The following RNF152 variants were observed in gnomAD, a reference collection of about 807,000 sequenced individuals.
RNF152 encodes the protein E3 ubiquitin-protein ligase RNF152.
A neutral mutation model predicts 12.7 loss-of-function variants in RNF152; 11 were observed. That is an observed-to-expected ratio of 0.86 (90% confidence interval 0.54 to 1.43). The LOEUF (loss-of-function observed/expected upper bound fraction) is 1.43. RNF152 is among the 40% of genes most tolerant of loss of function. The probability of loss-of-function intolerance (pLI) is 0.00; values close to 1 mark genes in which losing one functional copy is unlikely to be tolerated. For missense variants in RNF152, 255 were observed against 274.8 expected, an observed-to-expected ratio of 0.93 and a Z score of 0.51; for synonymous variants, 113 against 120.3, an observed-to-expected ratio of 0.94 and a Z score of 0.40.
At chr18:61,863,385 C>T (rs908344105) in intron 1 of RNF152, among the ~76,000 whole-genome samples, 8 of 145,530 alleles carry the variant, frequency 5.5e-5, no homozygotes, top group Non-Finnish European at 1.0e-4. Context: ...CAGTGAGCGG[C>T]GATCGTGCCA....
chr18:61,851,905 A>C (rs1180715424), intron 1 of RNF152, among the ~76,000 whole-genome samples: 1 of 152,208 alleles, frequency 6.6e-6, no homozygotes, highest in African/African-American at 2.4e-5. Context: ...TCAACCTAGA[A>C]GTCTCATTGA....
intron 1 of RNF152, among the ~76,000 whole-genome samples, chr18:61,859,470 C>G (rs1350346176): frequency 1.3e-5 from 2 of 152,186 alleles, no homozygotes; most frequent in Non-Finnish European, 2.9e-5. Context: ...CCATGCAGAG[C>G]AGGAGATGCT....
At chr18:61,868,174 T>A (rs377737178) in intron 1 of RNF152, among the ~76,000 whole-genome samples, 1 of 152,174 alleles carries the variant, frequency 6.6e-6, no homozygotes, top group Non-Finnish European at 1.5e-5. Context: ...ACTGTAGAGG[T>A]TGGCCTTCGG....
At chr18:61,855,685 G>A (rs1005877512) in intron 1 of RNF152, among the ~76,000 whole-genome samples, 5 of 152,172 alleles carry the variant, frequency 3.3e-5, no homozygotes, top group South Asian at 4.1e-4. Context: ...CCCCACACTC[G>A]CTCACCACAC....
intron 1 of RNF152, among the ~76,000 whole-genome samples, chr18:61,834,430 T>C (rs868524518): frequency 5.3e-5 from 8 of 152,346 alleles, no homozygotes; most frequent in Middle Eastern, 3.4e-3. Context: ...TTTTGTGTCC[T>C]TTTAGTCTCC....
rs1385878949 is a variant in RNF152 at position 61,881,624 on chromosome 18, A to G, written c.-136+11171T>C. On this transcript the variant is annotated intron_variant, in intron 1 of 1. Coordinates refer to ENST00000312828, the MANE Select transcript of RNF152 (RefSeq NM_173557.3). ...GAAGCAACTAGAACTAGGCTGACTC[A>G]GGTTTAGAATCCAAAATTGATTATC... Among the ~76,000 whole-genome samples, 3 of 152,360 alleles carry G rather than the reference A, an allele frequency of 2.0e-5. No individual in the cohort carries two copies. The East Asian group carries it at 5.8e-4, about 29-fold the overall frequency.
chr18:61,883,019 A>G (rs1034158064), intron 1 of RNF152, among the ~76,000 whole-genome samples: 6 of 152,224 alleles, frequency 3.9e-5, no homozygotes, highest in African/African-American at 1.2e-4. Flanking sequence ...CAGCTCATAC[A>G]TAAACACACT....
chr18:61,839,385 A>G (rs73458427), intron 1 of RNF152, among the ~76,000 whole-genome samples: 6,625 of 152,300 alleles, frequency 0.043, 482 homozygotes, highest in African/African-American at 0.15. Context: ...TCCAGAAGTT[A>G]TTAATATTTC....
intron 1 of RNF152, among the ~76,000 whole-genome samples, chr18:61,885,310 T>TTTGTTTGTTTG (rs1555707958): frequency 6.6e-6 from 1 of 151,184 alleles, no homozygotes; most frequent in South Asian, 2.1e-4. Context: ...ACTGAGAGTG[T>TTTGTTTGTTTG]TTTGTTTGTT....
intron 1 of RNF152, among the ~76,000 whole-genome samples, chr18:61,847,313 G>C (rs1355932457): frequency 1.3e-5 from 2 of 152,282 alleles, no homozygotes; most frequent in East Asian, 3.9e-4. Context: ...TATTTGCATG[G>C]GGTCTGCTTT....
At chr18:61,849,796 G>A (rs1484509339) in intron 1 of RNF152, among the ~76,000 whole-genome samples, 1 of 152,020 alleles carries the variant, frequency 6.6e-6, no homozygotes, top group African/African-American at 2.4e-5. Context: ...TGAACTCCTG[G>A]CCTCAAACCA....
In RNF152 at chr18:61,815,867, C is replaced by T; in HGVS notation, c.597G>A (p.Val199=). 6.2e-7 allele frequency: 1 copy of T among 1,614,074 alleles called. No homozygotes were observed. Among genetic ancestry groups the T allele is most frequent in the South Asian group, 1.1e-5 (1 of 91,048 alleles). The change falls in exon 2 of 2, where the codon GTG becomes GTA. Residue 199 remains valine, a synonymous_variant. Transcript: ENST00000312828. ...NMSCISKRFT[V]ISCG is the part of the protein sequence containing the mutation. The stretch of plus-strand genomic sequence containing the variant: ...GCAGCCCTCTTCAGCCACAGGATAT[C>T]ACAGTGAAGCGCTTAGAAATGCAAG...
chr18:61,839,763 T>C (rs1232029208), intron 1 of RNF152, among the ~76,000 whole-genome samples: 3 of 152,006 alleles, frequency 2.0e-5, no homozygotes, highest in Non-Finnish European at 4.4e-5. Context: ...GGCGTGGTGG[T>C]GGGTGCCTGT....
rs997161238 is a variant in RNF152, at chr18:61,811,590, A to G, written c.*4262T>C. The G allele has an allele frequency of 1.2e-4, 19 of 152,204 alleles. No homozygotes were observed. Among genetic ancestry groups the G allele is most frequent in the African/African-American group, 4.6e-4 (19 of 41,452 alleles). 9.4% of individuals were successfully genotyped at this position (152,204 alleles called of 1,614,324 possible). On this transcript the variant is annotated 3_prime_UTR_variant, in exon 2 of 2. Transcript: ENST00000312828. Reference sequence around the variant, plus strand: ...AAAAATGATGCCCACATATGCCCACACCAAATACAACGACAAGCTGGCCAA... The same window carrying G: ...AAAAATGATGCCCACATATGCCCACGCCAAATACAACGACAAGCTGGCCAA...
chr18:61,873,406 C>T (rs1356042994), intron 1 of RNF152, among the ~76,000 whole-genome samples: 1 of 152,192 alleles, frequency 6.6e-6, no homozygotes, highest in East Asian at 1.9e-4. Context: ...GGCGCTATCT[C>T]GGCTCACCGC....
chr18:61,825,383 C>T (rs748000323), intron 1 of RNF152, among the ~76,000 whole-genome samples: 1 of 152,212 alleles, frequency 6.6e-6, no homozygotes, highest in Non-Finnish European at 1.5e-5. Flanking sequence ...CATTGCCTGT[C>T]AGAGCCAGAA....
upstream of RNF152, chr18:61,893,737 G>C (rs1420157868): frequency 6.6e-6 from 1 of 152,166 alleles, no homozygotes; most frequent in African/African-American, 2.4e-5. Context: ...GCGCAACTGG[G>C]GCGGGCGCGC....
chr18:61,866,144 C>T (rs1470619457), intron 1 of RNF152, among the ~76,000 whole-genome samples: 1 of 152,166 alleles, frequency 6.6e-6, no homozygotes, highest in African/African-American at 2.4e-5. Flanking sequence ...GGGCCCCACC[C>T]CCTGTGGTAA....
At chr18:61,869,264 G>T in intron 1 of RNF152, among the ~76,000 whole-genome samples, 1 of 152,216 alleles carries the variant, frequency 6.6e-6, no homozygotes, top group East Asian at 1.9e-4. Context: ...TCACTAGGTG[G>T]GGTCAAAAGC....
Sources: gnomAD v4.1 joint callset for allele counts (sites outside exome capture counted in the v4.1 genomes callset) on GRCh38, gnomAD v4.1.1 for gene constraint, MANE v1.5 for transcripts, NCBI Gene and HGNC (gene_info 2026-07-23, HGNC 2026-07-21) for gene names.